The following PLAC1 variants were observed in gnomAD, a reference collection of about 807,000 sequenced individuals.
PLAC1 encodes placenta-specific protein 1.
For missense variants in PLAC1, 136 were observed against 163.2 expected (o/e 0.83, Z 0.91); for synonymous variants, 68 against 62.1 (o/e 1.09, Z -0.44).
chrX:134,663,816 T>G (rs1212905175), intron 2 of PLAC1, among the ~76,000 whole-genome samples: 2 of 112,257 alleles, frequency 1.8e-5, no homozygotes, highest in Non-Finnish European at 3.8e-5. Context: ...CAAGGAGCAT[T>G]CAACAAGGAC....
Position 134,566,846 on chromosome X carries a change from G to A in PLAC1, c.-58-106C>T. 4 of 422,586 alleles carry A rather than the reference G, an allele frequency of 9.5e-6. No homozygotes were observed. In the South Asian group the frequency reaches 2.0e-4, roughly 21 times the overall value. The allele number at this position is 422,586 out of a possible 1,213,427, so 34.8% of individuals were successfully genotyped here. ...GGCTGTTCCTAAAGCATTAAGAAGA[G>A]GAAAACACTCATTTGAGAGAGAACT... On this transcript the variant is annotated intron_variant, in intron 2 of 2. Coordinates refer to ENST00000359237, the MANE Select transcript of PLAC1 (RefSeq NM_021796.4).
At chrX:134,677,980 A>G (rs754221721) in intron 2 of PLAC1, among the ~76,000 whole-genome samples, 2 of 111,041 alleles carry the variant, frequency 1.8e-5, no homozygotes, top group Non-Finnish European at 3.8e-5. Context: ...AGTGGATTAG[A>G]TGTGGGGGAT....
At chrX:134,745,263 C>T (rs1299843610) in intron 1 of PLAC1, among the ~76,000 whole-genome samples, 1 of 111,429 alleles carries the variant, frequency 9.0e-6, no homozygotes, top group Non-Finnish European at 1.9e-5. Context: ...GGAAGCTTTC[C>T]TCAGAAACCC....
chrX:134,713,172 G>A (rs958268417), intron 2 of PLAC1, among the ~76,000 whole-genome samples: 4 of 111,257 alleles, frequency 3.6e-5, no homozygotes, highest in Non-Finnish European at 5.6e-5. Flanking sequence ...TGGTAAGTCC[G>A]CAAAAAAGTT....
At position 134,749,916 on chromosome X, in the gene PLAC1, G is replaced by A. The variant is rs754309482; in HGVS notation, n.89+14318C>T. On this transcript the variant is annotated intron_variant and non_coding_transcript_variant, in intron 1 of 2. Transcript: ENST00000466797. ...CCACTCCTATCACCAGAGAGGCGTGGGTGAGCTACCCGAAAGCTCTTTTGC... is the reference window on the plus strand; with the variant it reads ...CCACTCCTATCACCAGAGAGGCGTGAGTGAGCTACCCGAAAGCTCTTTTGC... Among the ~76,000 whole-genome samples the A allele has an allele frequency of 7.2e-5, 8 of 111,540 alleles. No individual in the cohort carries two copies. The East Asian group carries it at 2.3e-3, about 32-fold the overall frequency.
At chrX:134,601,510 T>G (rs1279249759) in intron 2 of PLAC1, 2 of 112,095 alleles carry the variant, frequency 1.8e-5, no homozygotes, top group Non-Finnish European at 3.8e-5. Context: ...CACAGAATAT[T>G]TTACCATCAT....
At chrX:134,587,799 G>A (rs1038639439) in intron 2 of PLAC1, among the ~76,000 whole-genome samples, 4 of 111,849 alleles carry the variant, frequency 3.6e-5, no homozygotes, top group Non-Finnish European at 5.6e-5. Context: ...GGCCTCTGCC[G>A]TGGCTCGCAG....
chrX:134,618,833 A>G (rs1194806415), intron 1 of PLAC1, among the ~76,000 whole-genome samples: 1 of 112,389 alleles, frequency 8.9e-6, no homozygotes, highest in Non-Finnish European at 1.9e-5. Context: ...CTCTGATTCT[A>G]AAGCTGAAGT....
At chrX:134,727,505 T>C (rs765015123) in intron 2 of PLAC1, among the ~76,000 whole-genome samples, 1 of 112,165 alleles carries the variant, frequency 8.9e-6, no homozygotes, top group South Asian at 3.7e-4. Context: ...GGCTTTAAGT[T>C]TCATCAAAAG....
chrX:134,750,807 AAAAAAAT>A (rs1470953533), intron 1 of PLAC1, among the ~76,000 whole-genome samples: 2 of 55,296 alleles, frequency 3.6e-5, no homozygotes, highest in African/African-American at 2.2e-4. Context: ...AAATACAAAA[AAAAAAAT>A]ATATATATAT....
chrX:134,724,212 G>T (rs1388756662), intron 2 of PLAC1, among the ~76,000 whole-genome samples: 1 of 112,233 alleles, frequency 8.9e-6, no homozygotes, highest in Non-Finnish European at 1.9e-5. Flanking sequence ...ATAAACTATG[G>T]TTTAGTCAAT....
At chrX:134,626,107 G>C (rs2078236110) in intron 1 of PLAC1, among the ~76,000 whole-genome samples, 1 of 111,495 alleles carries the variant, frequency 9.0e-6, no homozygotes, top group African/African-American at 3.3e-5. Flanking sequence ...AATCCCAAAA[G>C]TGCTTTCACA....
At chrX:134,682,522 C>T (rs141765877) in intron 2 of PLAC1, among the ~76,000 whole-genome samples, 3 of 110,248 alleles carry the variant, frequency 2.7e-5, no homozygotes, top group African/African-American at 9.9e-5. Flanking sequence ...CTGGTCTTGC[C>T]ATGGGTGTCT....
intron 2 of PLAC1, among the ~76,000 whole-genome samples, chrX:134,572,923 C>T (rs2077916821): frequency 1.8e-5 from 2 of 111,186 alleles, no homozygotes; most frequent in Non-Finnish European, 3.8e-5. Flanking sequence ...GTTAAGCTAT[C>T]AAGCATAGTT....
chrX:134,644,780 CTCTA>C (rs1422876756), intron 1 of PLAC1, among the ~76,000 whole-genome samples: 1 of 111,544 alleles, frequency 9.0e-6, no homozygotes, highest in Non-Finnish European at 1.9e-5. Flanking sequence ...CAATTACCTA[CTCTA>C]TCTGGTTAGT....
chrX:134,616,664 A>C (rs2078183479), intron 1 of PLAC1, among the ~76,000 whole-genome samples: 1 of 111,422 alleles, frequency 9.0e-6, no homozygotes, highest in Non-Finnish European at 1.9e-5. Flanking sequence ...CAACAAAAAA[A>C]AATTGCTTCA....
At chrX:134,581,476 CTTTTTTTTT>C (rs35457928) in intron 2 of PLAC1, among the ~76,000 whole-genome samples, 2 of 58,931 alleles carry the variant, frequency 3.4e-5, no homozygotes, top group Non-Finnish European at 5.8e-5. Flanking sequence ...TTCTCAGACT[CTTTTTTTTT>C]TTTTTTTTTT....
At chrX:134,665,083 TGTGTGTGTGTGTATGTGA>T (rs897153044) in intron 2 of PLAC1, among the ~76,000 whole-genome samples, 19 of 110,216 alleles carry the variant, frequency 1.7e-4, no homozygotes, top group African/African-American at 6.3e-4. Flanking sequence ...TGTGTGTGTG[TGTGTGTGTGTGTATGTGA>T]GTGTGTTTGT....
chrX:134,621,462 A>G (rs1311774355), intron 1 of PLAC1, among the ~76,000 whole-genome samples: 2 of 106,824 alleles, frequency 1.9e-5, no homozygotes, highest in East Asian at 2.9e-4. Context: ...AAAAAAAAAA[A>G]AAAAAAAAAA....
Sources: gnomAD v4.1 joint callset for allele counts (sites outside exome capture counted in the v4.1 genomes callset) on GRCh38, gnomAD v4.1.1 for gene constraint, MANE v1.5 for transcripts, NCBI Gene and HGNC (gene_info 2026-07-23, HGNC 2026-07-21) for gene names.